Variants in DHRS13 observed in about 807,000 individuals in gnomAD.
DHRS13 encodes dehydrogenase/reductase 13, also known as dehydrogenase/reductase SDR family member 13.
DHRS13 carries 22 observed loss-of-function variants against 17.9 expected under a neutral mutation model. The observed-to-expected ratio is 1.23, with a 90% CI of 0.88 to 1.75. The LOEUF is 1.75. Among genes scored for constraint, DHRS13 ranks in the 40% most tolerant of loss-of-function variants. DHRS13 has a pLI of 0.00. For synonymous variants in DHRS13, 206 were observed against 220.4 expected, an observed-to-expected ratio of 0.93 and a Z score of 0.58; for missense variants, 483 against 519.9, an observed-to-expected ratio of 0.93 and a Z score of 0.69.
chr17:28,898,874 A>G lies in DHRS13; in HGVS notation c.701T>C (p.Leu234Pro), dbSNP rs1211154416. 6.3e-7 allele frequency: 1 copy of G among 1,590,158 alleles called. No homozygotes were observed. Residue 234 changes from leucine (L) to proline (P), a missense_variant, in exon 5 of 5, where the codon CTG becomes CCG. Coordinates refer to ENST00000378895, the MANE Select transcript of DHRS13 (RefSeq NM_144683.4). ...AAHPGPVNSE[L>P]FLRHVPGWLR... The stretch of plus-strand genomic sequence containing the variant: ...CCATCCAGGAACATGGCGCAGGAAC[A>G]GCTCCGAGTTCACAGGCCCTGTAGG...
Position 28,902,899 on chromosome 17 carries a change from C to T in DHRS13, c.46G>A (p.Val16Met). 1.3e-6 allele frequency: 2 copies of T among 1,555,354 alleles called. No homozygotes were observed. Among genetic ancestry groups the T allele is most frequent in the Non-Finnish European group, 8.6e-7 (1 of 1,158,850 alleles). The change falls in exon 1 of 5, where the codon GTG becomes ATG. Residue 16 changes from valine to methionine, a missense_variant. Val to Met is a conservative substitution (Grantham distance 21, BLOSUM62 1). Transcript: ENST00000378895. The surrounding 1 kb of genome is among the most constrained non-coding windows in gnomAD (Gnocchi z 4.0). ...TTCACCAGGTTGTAGTAGACAAGCACGTAAGCGCCCAGCAGCAACCCCGCG... is the reference window on the plus strand; with the variant it reads ...TTCACCAGGTTGTAGTAGACAAGCATGTAAGCGCCCAGCAGCAACCCCGCG... ...LGAGLLLGAY[V>M]LVYYNLVKAP...
chr17:28,899,742 C>T lies in DHRS13; in HGVS notation c.683-850G>A, dbSNP rs2039792131. The stretch of plus-strand genomic sequence containing the variant: ...TCTGTTTTGGAGACAGAGTCTCGCT[C>T]TGTCACCCAGGCTGGAGTACAGTGG... On this transcript the variant is annotated intron_variant, in intron 4 of 4. Transcript: ENST00000378895. The surrounding 1 kb of genome is among the most constrained non-coding windows in gnomAD (Gnocchi z 4.7). Among the ~76,000 whole-genome samples the T allele has an allele frequency of 1.3e-5, 2 of 152,172 alleles. No homozygotes were observed. Among genetic ancestry groups the T allele is most frequent in the Non-Finnish European group, 2.9e-5 (2 of 68,032 alleles).
chr17:28,902,410 C>T lies in DHRS13; in HGVS notation c.246+173G>A, dbSNP rs1247904624. ...CAGGAAGCCCCTCCCCCACTCGGCT[C>T]TGGTGCGCCTTCCTCGGGTGACCCC... On this transcript the variant is annotated intron_variant, in intron 2 of 4. Coordinates refer to ENST00000378895, the MANE Select transcript of DHRS13 (RefSeq NM_144683.4). This position sits in a 1 kb window ranked among gnomAD's most constrained non-coding sequence, Gnocchi z 4.0. Among the ~76,000 whole-genome samples the T allele has an allele frequency of 6.6e-6, 1 of 152,230 alleles. No individual in the cohort carries two copies. Among genetic ancestry groups the T allele is most frequent in the South Asian group, 2.1e-4 (1 of 4,834 alleles).
At chr17:28,900,016 C>T (rs1488440611) in intron 4 of DHRS13, among the ~76,000 whole-genome samples, 1 of 151,996 alleles carries the variant, frequency 6.6e-6, no homozygotes, top group African/African-American at 2.4e-5. Flanking sequence ...CGGATTAAAG[C>T]GATTCTCCTG....
Position 28,902,954 on chromosome 17 carries a change from G to T in DHRS13, c.-10C>A. ...GCAGCAGCGCCTCCATGCCGGCCGC[G>T]CCTCCCGGCTCCCGCCCAGGCCCCG... On this transcript the variant is annotated 5_prime_UTR_variant, in exon 1 of 5. Transcript: ENST00000378895. The surrounding 1 kb of genome is among the most constrained non-coding windows in gnomAD (Gnocchi z 4.0). The T allele has an allele frequency of 6.6e-7, 1 of 1,512,406 alleles. No individual in the cohort carries two copies. Among genetic ancestry groups the T allele is most frequent in the Admixed American group, 2.0e-5 (1 of 50,062 alleles). 93.7% of individuals were successfully genotyped at this position (1,512,406 alleles called of 1,614,324 possible).
In DHRS13 at chr17:28,899,922, CTTTTTTT is replaced by C. The variant is rs905966976; in HGVS notation, c.683-1037_683-1031del. 6.9e-6 allele frequency among the ~76,000 whole-genome samples: 1 copy of C among 144,840 alleles called. No homozygotes were observed. The highest frequency in any genetic ancestry group is 2.2e-4 in the South Asian group (1 of 4,558). On this transcript the variant is annotated intron_variant, in intron 4 of 4. Coordinates refer to ENST00000378895, the MANE Select transcript of DHRS13 (RefSeq NM_144683.4). This position sits in a 1 kb window ranked among gnomAD's most constrained non-coding sequence, Gnocchi z 4.7. ...AGGTTTTCTTTTTTTTTTCTTTTTT[CTTTTTTT>C]TTGAGATGGAGTCTTGCTCTGTCCC...
intron 4 of DHRS13, 32 bp from the exon 5 acceptor site, chr17:28,898,924 T>C: frequency 6.5e-7 from 1 of 1,535,658 alleles, no homozygotes; most frequent in African/African-American, 1.4e-5. Context: ...GGAGTCGGGC[T>C]AGGCACAGTG....
rs762330862 is a variant in DHRS13 at position 28,898,724 on chromosome 17, T to C, written c.851A>G (p.Asn284Ser). 5 of 1,613,832 alleles carry C rather than the reference T, an allele frequency of 3.1e-6. No homozygotes were observed. Among genetic ancestry groups the C allele is most frequent in the South Asian group, 2.2e-5 (2 of 91,018 alleles). The change falls in exon 5 of 5, where the codon AAC becomes AGC. Residue 284 changes from asparagine to serine, a missense_variant. By Grantham distance (46) the Asn-to-Ser change is conservative (BLOSUM62 1). Transcript: ENST00000378895. ...IEPLSGRYFA[N>S]CHVEEVPPAA... The stretch of plus-strand genomic sequence containing the variant: ...TGGAGGCACCTCTTCCACATGGCAG[T>C]TGGCAAAATATCTCCCACTGAGGGG...
At position 28,901,535 on chromosome 17, in the gene DHRS13, G is replaced by C. The variant is rs1319247707; in HGVS notation, c.328C>G (p.Leu110Val). ...ATGTCCAACCGTGGCTCAGAGCTCA[G>C]AAAGGCAGTGGCAAAGGCCCGCACC... is the stretch of plus-strand genomic sequence containing the variant. ...ASVRAFATAF[L>V]SSEPRLDILI... Residue 110 changes from leucine (L) to valine (V), a missense_variant, in exon 3 of 5, where the codon CTG (leucine) becomes GTG (valine). By Grantham distance (32) the Leu-to-Val change is conservative (BLOSUM62 1). Transcript: ENST00000378895. The surrounding 1 kb of genome is among the most constrained non-coding windows in gnomAD (Gnocchi z 4.3). 6.2e-7 allele frequency: 1 copy of C among 1,614,232 alleles called. No individual in the cohort carries two copies. Among genetic ancestry groups the C allele is most frequent in the Admixed American group, 1.7e-5 (1 of 60,024 alleles).
Position 28,902,873 on chromosome 17 carries a change from C to T in DHRS13, c.72G>A (p.Lys24=). 6.4e-7 allele frequency: 1 copy of T among 1,552,308 alleles called. No homozygotes were observed. Among genetic ancestry groups the T allele is most frequent in the Non-Finnish European group, 8.6e-7 (1 of 1,157,618 alleles). ...AYVLVYYNLV[K]APPCGGMGNL... ...TGCCCATGCCGCCGCACGGCGGGGC[C>T]TTCACCAGGTTGTAGTAGACAAGCA... The change falls in exon 1 of 5, where the codon AAG becomes AAA. Residue 24 remains lysine, a synonymous_variant. Transcript: ENST00000378895. The surrounding 1 kb of genome is among the most constrained non-coding windows in gnomAD (Gnocchi z 4.0).
chr17:28,898,978 G>T, intron 4 of DHRS13, 86 bp from the exon 5 acceptor site: 1 of 1,346,256 alleles, frequency 7.4e-7, no homozygotes. Flanking sequence ...GGAGCAGGAG[G>T]ATCACTTGAG....
intron 4 of DHRS13, among the ~76,000 whole-genome samples, chr17:28,900,156 C>A (rs2039794690): frequency 6.6e-6 from 1 of 152,048 alleles, no homozygotes; most frequent in African/African-American, 2.4e-5. Context: ...TTGTGATTGC[C>A]CGCCTCGGCC....
In DHRS13 at chr17:28,902,604, CG is replaced by C. The variant is rs1282727191; in HGVS notation, c.224del (p.Ala75GlyfsTer36). ...TCACCTGGCGGAGGTCGAAGGCAGC[CG>C]CCTCCCCGCGCTCCTGGCTGCGGCA... The part of the protein sequence containing the change: ...LACRSQERGE[A>X]AAFDLRQESG... On this transcript the variant is annotated frameshift_variant, in exon 2 of 5. Coordinates refer to ENST00000378895, the MANE Select transcript of DHRS13 (RefSeq NM_144683.4). LOFTEE classifies it high-confidence loss of function. This position sits in a 1 kb window ranked among gnomAD's most constrained non-coding sequence, Gnocchi z 4.0. 1 of 1,476,188 alleles carries C rather than the reference CG, an allele frequency of 6.8e-7. No individual in the cohort carries two copies. The highest frequency in any genetic ancestry group is 8.9e-7 in the Non-Finnish European group (1 of 1,122,096). The allele number at this position is 1,476,188 out of a possible 1,614,324, so 91.4% of individuals were successfully genotyped here.
In DHRS13 at chr17:28,902,634, C is replaced by A; in HGVS notation, c.195G>T (p.Leu65=). 1 of 1,456,520 alleles carries A rather than the reference C, an allele frequency of 6.9e-7. No individual in the cohort carries two copies. The allele number at this position is 1,456,520 out of a possible 1,614,324, so 90.2% of individuals were successfully genotyped here. A position where few individuals can be genotyped will look rare whatever the true frequency, so the allele number is the denominator to read the frequency against. Residue 65 remains leucine (L), a synonymous_variant, in exon 2 of 5, where the codon CTG becomes CTT. Transcript: ENST00000378895. The surrounding 1 kb of genome is among the most constrained non-coding windows in gnomAD (Gnocchi z 4.0). The part of the protein sequence containing the change: ...ELARRGARVV[L]ACRSQERGEA... ...CCCCGCGCTCCTGGCTGCGGCAGGC[C>A]AGCACCACGCGCGCTCCCCGGCGCG... is the stretch of plus-strand genomic sequence containing the variant.
chr17:28,902,622 G>C lies in DHRS13; in HGVS notation c.207C>G (p.Ser69Arg), dbSNP rs769125991. The C allele has an allele frequency of 6.8e-7, 1 of 1,474,822 alleles. No homozygotes were observed. Among genetic ancestry groups the C allele is most frequent in the Admixed American group, 2.4e-5 (1 of 41,628 alleles). The allele number at this position is 1,474,822 out of a possible 1,614,324, so 91.4% of individuals were successfully genotyped here. A position where few individuals can be genotyped will look rare whatever the true frequency, so the allele number is the denominator to read the frequency against. ...AGGCAGCCGCCTCCCCGCGCTCCTG[G>C]CTGCGGCAGGCCAGCACCACGCGCG... ...RGARVVLACR[S>R]QERGEAAAFD... The change falls in exon 2 of 5, where the codon AGC becomes AGG. Residue 69 changes from serine to arginine, a missense_variant. Physicochemically the swap from Ser to Arg is moderately radical, Grantham distance 110. Transcript: ENST00000378895. This position sits in a 1 kb window ranked among gnomAD's most constrained non-coding sequence, Gnocchi z 4.0.
At position 28,901,047 on chromosome 17, in the gene DHRS13, G is replaced by C. The variant is rs759364667; in HGVS notation, c.625C>G (p.Arg209Gly). 5 of 1,612,938 alleles carry C rather than the reference G, an allele frequency of 3.1e-6. No homozygotes were observed. The highest frequency in any genetic ancestry group is 1.3e-5 in the African/African-American group (1 of 74,892). Residue 209 changes from arginine to glycine, a missense_variant, in exon 4 of 5, where the codon CGG becomes GGG. Coordinates refer to ENST00000378895, the MANE Select transcript of DHRS13 (RefSeq NM_144683.4). The surrounding 1 kb of genome is among the most constrained non-coding windows in gnomAD (Gnocchi z 4.3). Reference sequence around the variant, plus strand: ...GCCTCAAGCTGGTTGGCGAGCTCCCGGGCAAACAGTACATTAGCCAGCTTA... The same window carrying C: ...GCCTCAAGCTGGTTGGCGAGCTCCCCGGCAAACAGTACATTAGCCAGCTTA... Reference protein sequence around the residue: ...DTKLANVLFARELANQLEATG... With the variant: ...DTKLANVLFAGELANQLEATG...
chr17:28,900,936 A>G, intron 4 of DHRS13, 54 bp downstream of exon 4: 1 of 1,529,928 alleles, frequency 6.5e-7, no homozygotes, highest in Admixed American at 2.0e-5. Flanking sequence ...TGGGGGGCAC[A>G]GGATGGGGCA....
In DHRS13 at chr17:28,902,622, G is replaced by A. The variant is rs769125991; in HGVS notation, c.207C>T (p.Ser69=). 11 of 1,474,708 alleles carry A rather than the reference G, an allele frequency of 7.5e-6. No homozygotes were observed. The Admixed American group carries it at 2.4e-4, about 32-fold the overall frequency. The allele number at this position is 1,474,708 out of a possible 1,614,324, so 91.4% of individuals were successfully genotyped here. A position where few individuals can be genotyped will look rare whatever the true frequency, so the allele number is the denominator to read the frequency against. The change falls in exon 2 of 5, where the codon AGC becomes AGT. Residue 69 remains serine (S), a synonymous_variant. Coordinates refer to ENST00000378895, the MANE Select transcript of DHRS13 (RefSeq NM_144683.4). This position sits in a 1 kb window ranked among gnomAD's most constrained non-coding sequence, Gnocchi z 4.0. ...AGGCAGCCGCCTCCCCGCGCTCCTGGCTGCGGCAGGCCAGCACCACGCGCG... is the reference window on the plus strand; with the variant it reads ...AGGCAGCCGCCTCCCCGCGCTCCTGACTGCGGCAGGCCAGCACCACGCGCG... The part of the protein sequence containing the change: ...RGARVVLACR[S]QERGEAAAFD...
chr17:28,898,889 G>A lies in DHRS13; in HGVS notation c.686C>T (p.Pro229Leu). Residue 229 changes from proline to leucine, a missense_variant, in exon 5 of 5, where the codon CCT becomes CTT. Coordinates refer to ENST00000378895, the MANE Select transcript of DHRS13 (RefSeq NM_144683.4). ...GCGCAGGAACAGCTCCGAGTTCACA[G>A]GCCCTGTAGGCAGGAAGAAAGAAAG... Reference protein sequence around the residue: ...GVTCYAAHPGPVNSELFLRHV... With the variant: ...GVTCYAAHPGLVNSELFLRHV... The A allele has an allele frequency of 6.4e-7, 1 of 1,571,388 alleles. No individual in the cohort carries two copies.
Sources: allele counts gnomAD v4.1 joint callset (sites outside exome capture counted in the v4.1 genomes callset), GRCh38; gene constraint gnomAD v4.1.1; non-coding constraint Gnocchi (gnomAD v3.1); transcripts MANE v1.5; gene names NCBI Gene and HGNC (gene_info 2026-07-23, HGNC 2026-07-21).